The following EYS variants were observed in gnomAD, a reference collection of about 807,000 sequenced individuals.
EYS encodes EGF-like photoreceptor maintenance factor.
A neutral mutation model predicts 282.1 loss-of-function variants in EYS; 250 were observed. The observed-to-expected ratio is 0.89, with a 90% CI of 0.80 to 0.98. The LOEUF is 0.98. Ranked by LOEUF, EYS falls within the 50% of genes least tolerant of loss-of-function variation. The pLI, the probability that EYS is intolerant of heterozygous loss-of-function variation, is 0.00. For synonymous variants in EYS, 1,355 were observed against 1,282.9 expected (o/e 1.06, Z -1.20); for missense variants, 4,016 against 3,709.0 (o/e 1.08, Z -2.15).
intron 2 of EYS, among the ~76,000 whole-genome samples, chr6:65,531,412 A>T (rs1767764511): frequency 6.6e-6 from 1 of 152,226 alleles, no homozygotes; most frequent in Admixed American, 6.5e-5. Context: ...TATGTTCAGC[A>T]TTCGGGATTC....
intron 36 of EYS, among the ~76,000 whole-genome samples, chr6:63,853,824 A>G (rs904624783): frequency 2.0e-5 from 3 of 152,234 alleles, no homozygotes; most frequent in African/African-American, 7.2e-5. Flanking sequence ...CTCAGATATT[A>G]CACCACAGAT....
intron 30 of EYS, among the ~76,000 whole-genome samples, chr6:64,245,238 G>A (rs151036441): frequency 2.0e-5 from 3 of 152,238 alleles, no homozygotes; most frequent in African/African-American, 7.2e-5. Flanking sequence ...AAAAAAGGAT[G>A]AGTTCATGTC....
chr6:65,040,664 T>C (rs945783314), intron 13 of EYS, among the ~76,000 whole-genome samples: 10 of 151,634 alleles, frequency 6.6e-5, no homozygotes, highest in African/African-American at 2.4e-4. Context: ...ACCATAAATG[T>C]CTCTAGGCTT....
rs1367067751 is a variant in EYS at position 63,778,035 on chromosome 6, C to G, written c.7869G>C (p.Gly2623=). 3 of 1,551,664 alleles carry G rather than the reference C, an allele frequency of 1.9e-6. No homozygotes were observed. The Admixed American group carries it at 5.9e-5, about 30-fold the overall frequency. ...PCSLMKCGNG[G]TCIESGTSVY... ...CACTAGTTCCACTCTCTATGCATGTCCCACCATTGCCACATTTCATTAAAC... is the reference window on the plus strand; with the variant it reads ...CACTAGTTCCACTCTCTATGCATGTGCCACCATTGCCACATTTCATTAAAC... Residue 2623 remains glycine (G), a synonymous_variant, in exon 40 of 43, where the codon GGG becomes GGC. Transcript: ENST00000503581.
chr6:63,971,043 T>C (rs1475112172), intron 35 of EYS, among the ~76,000 whole-genome samples: 2 of 152,218 alleles, frequency 1.3e-5, no homozygotes, highest in Non-Finnish European at 2.9e-5. Context: ...GGACCATAAA[T>C]TGTAACATTT....
intron 14 of EYS, among the ~76,000 whole-genome samples, chr6:64,953,878 C>T (rs1769596879): frequency 6.6e-6 from 1 of 151,830 alleles, no homozygotes; most frequent in Non-Finnish European, 1.5e-5. Flanking sequence ...TATGAAAAGT[C>T]ACATGGTAGA....
At chr6:64,674,729 AACAC>A (rs70999158) in intron 22 of EYS, among the ~76,000 whole-genome samples, 101 of 148,228 alleles carry the variant, frequency 6.8e-4, no homozygotes, top group African/African-American at 2.2e-3. Context: ...TTCTGTCATT[AACAC>A]ACACACACAC....
intron 28 of EYS, among the ~76,000 whole-genome samples, chr6:64,408,342 C>T (rs1044603740): frequency 6.6e-6 from 1 of 152,096 alleles, no homozygotes; most frequent in African/African-American, 2.4e-5. Context: ...TTAAGTCACA[C>T]TATGCAACTC....
chr6:65,427,356 T>C (rs557667338), intron 5 of EYS, among the ~76,000 whole-genome samples: 1 of 152,164 alleles, frequency 6.6e-6, no homozygotes, highest in East Asian at 1.9e-4. Context: ...GAATATGCTA[T>C]TTCCCTCAAT....
chr6:64,008,114 A>G (rs11970058), intron 33 of EYS, among the ~76,000 whole-genome samples: 1 of 152,224 alleles, frequency 6.6e-6, no homozygotes, highest in Admixed American at 6.5e-5. Context: ...GTTATCTAAA[A>G]TTCTTCATAG....
chr6:64,303,158 C>T (rs1769295607), intron 30 of EYS, among the ~76,000 whole-genome samples: 1 of 152,160 alleles, frequency 6.6e-6, no homozygotes, highest in African/African-American at 2.4e-5. Context: ...CATGTGGTAC[C>T]TGCTACACTT....
intron 26 of EYS, among the ~76,000 whole-genome samples, chr6:64,451,289 C>A (rs576315787): frequency 7.2e-5 from 11 of 152,306 alleles, no homozygotes; most frequent in Non-Finnish European, 1.2e-4. Flanking sequence ...GACACACACA[C>A]TCTCCCAAGA....
chr6:64,463,820 T>C (rs1440510951), intron 26 of EYS, among the ~76,000 whole-genome samples: 4 of 152,036 alleles, frequency 2.6e-5, no homozygotes, highest in Admixed American at 2.6e-4. Context: ...TCAAACAAAA[T>C]CCCCGCTGAT....
chr6:64,428,781 T>C (rs1774491815), intron 28 of EYS, among the ~76,000 whole-genome samples: 1 of 152,178 alleles, frequency 6.6e-6, no homozygotes, highest in Non-Finnish European at 1.5e-5. Flanking sequence ...AAAAGTGCTT[T>C]CAAAATATAT....
intron 22 of EYS, among the ~76,000 whole-genome samples, chr6:64,709,556 T>C (rs142112163): frequency 9.1e-4 from 138 of 152,296 alleles, no homozygotes; most frequent in African/African-American, 3.2e-3. Context: ...AGTATACCCC[T>C]GTTAGGAAAG....
intron 1 of EYS, among the ~76,000 whole-genome samples, chr6:65,698,997 G>T (rs1394057466): frequency 2.0e-5 from 3 of 152,128 alleles, no homozygotes; most frequent in Non-Finnish European, 4.4e-5. Context: ...AAAATCACCA[G>T]TTTTCACATT....
At chr6:63,923,912 T>TA (rs1265145629) in intron 35 of EYS, among the ~76,000 whole-genome samples, 1 of 152,184 alleles carries the variant, frequency 6.6e-6, no homozygotes. Context: ...GCTGGTACCA[T>TA]AAAAAATTAA....
intron 22 of EYS, among the ~76,000 whole-genome samples, chr6:64,687,194 G>A (rs189243692): frequency 1.2e-3 from 175 of 151,726 alleles, no homozygotes; most frequent in African/African-American, 3.9e-3. Context: ...ACATTAAGTG[G>A]CCAAAGTAAC....
chr6:64,738,919 C>T (rs886509179), intron 22 of EYS, among the ~76,000 whole-genome samples: 14 of 152,072 alleles, frequency 9.2e-5, no homozygotes, highest in East Asian at 1.9e-4. Flanking sequence ...CACCACATCC[C>T]GCTAATTTTT....
Sources: gnomAD v4.1 joint callset for allele counts (sites outside exome capture counted in the v4.1 genomes callset) on GRCh38, gnomAD v4.1.1 for gene constraint, MANE v1.5 for transcripts, NCBI Gene and HGNC (gene_info 2026-07-23, HGNC 2026-07-21) for gene names.